Variants in TSPAN13 observed in about 807,000 individuals in gnomAD.
TSPAN13 encodes tetraspanin 13.
In TSPAN13, 18 loss-of-function variants were observed where a neutral mutation model predicts 26.9. That is an observed-to-expected ratio of 0.67 (90% confidence interval 0.46 to 0.99). TSPAN13 has a LOEUF of 0.99. Ranked by LOEUF, TSPAN13 falls within the 50% of genes least tolerant of loss-of-function variation. TSPAN13 has a pLI of 0.00. For missense variants in TSPAN13, 201 were observed against 249.6 expected (o/e 0.81, Z 1.31); for synonymous variants, 116 against 98.4 (o/e 1.18, Z -1.06).
intron 1 of TSPAN13, among the ~76,000 whole-genome samples, chr7:16,770,876 A>G (rs1222926610): frequency 6.6e-6 from 1 of 152,238 alleles, no homozygotes; most frequent in East Asian, 1.9e-4. Flanking sequence ...AAGCATGGGC[A>G]TGATAGGCTC....
At chr7:16,779,242 C>A in intron 5 of TSPAN13, 126 bp downstream of exon 5, 1 of 658,824 alleles carries the variant, frequency 1.5e-6, no homozygotes, top group Non-Finnish European at 2.5e-6. Flanking sequence ...AAAGAGGAAA[C>A]TTGGTTTAGA....
chr7:16,777,032 T>C lies in TSPAN13; in HGVS notation c.232-10T>C. 6.3e-7 allele frequency: 1 copy of C among 1,585,966 alleles called. No homozygotes were observed. Among genetic ancestry groups the C allele is most frequent in the Non-Finnish European group, 8.7e-7 (1 of 1,155,502 alleles). On this transcript the variant is annotated splice_polypyrimidine_tract_variant and intron_variant, in intron 2 of 5. Transcript: ENST00000262067. Reference sequence around the variant, plus strand: ...AATATTTAGAAGTATCCTTAACTTCTAACTCTCAGTATATGATTATTCTGT... The same window carrying C: ...AATATTTAGAAGTATCCTTAACTTCCAACTCTCAGTATATGATTATTCTGT...
chr7:16,754,179 C>A (rs2115317389), intron 1 of TSPAN13, 149 bp downstream of exon 1: 2 of 801,106 alleles, frequency 2.5e-6, no homozygotes, highest in Non-Finnish European at 4.0e-6. Context: ...GCCTCACCAT[C>A]CGTCCCCGCC....
chr7:16,772,551 C>G (rs1314608876), intron 1 of TSPAN13, among the ~76,000 whole-genome samples: 1 of 151,906 alleles, frequency 6.6e-6, no homozygotes, highest in Non-Finnish European at 1.5e-5. Context: ...TTTTTTATGT[C>G]ACTTTCTACA....
chr7:16,765,333 G>T (rs1323845806), intron 1 of TSPAN13, among the ~76,000 whole-genome samples: 1 of 151,980 alleles, frequency 6.6e-6, no homozygotes, highest in African/African-American at 2.4e-5. Context: ...GAGCTACCTG[G>T]GTTCAAGCAA....
intron 1 of TSPAN13, among the ~76,000 whole-genome samples, chr7:16,766,003 T>G (rs1271277756): frequency 6.6e-6 from 1 of 152,192 alleles, no homozygotes; most frequent in Non-Finnish European, 1.5e-5. Context: ...TAACACATAA[T>G]TATCACTACT....
intron 1 of TSPAN13, among the ~76,000 whole-genome samples, chr7:16,758,528 T>C (rs1310647762): frequency 6.6e-6 from 1 of 152,216 alleles, no homozygotes; most frequent in African/African-American, 2.4e-5. Context: ...TTTATAGACT[T>C]GGCTTCTTCT....
intron 3 of TSPAN13, among the ~76,000 whole-genome samples, chr7:16,777,532 G>T (rs773457288): frequency 6.6e-6 from 1 of 152,102 alleles, no homozygotes; most frequent in South Asian, 2.1e-4. Flanking sequence ...TTAACACTCC[G>T]AGAATTATGC....
chr7:16,778,850 C>A (rs1784783424), intron 4 of TSPAN13, among the ~76,000 whole-genome samples, 153 bp from the exon 5 acceptor site: 1 of 152,032 alleles, frequency 6.6e-6, no homozygotes, highest in South Asian at 2.1e-4. Flanking sequence ...GGGTGGGAGT[C>A]TTGGGGGCTG....
At position 16,776,251 on chromosome 7, in the gene TSPAN13, T is replaced by G; in HGVS notation, c.104T>G (p.Ile35Ser). 6.2e-7 allele frequency: 1 copy of G among 1,614,116 alleles called. No individual in the cohort carries two copies. The highest frequency in any genetic ancestry group is 1.3e-5 in the African/African-American group (1 of 75,004). The change falls in exon 2 of 6, where the codon ATT (isoleucine) becomes AGT (serine). Residue 35 changes from isoleucine (I) to serine (S), a missense_variant. By Grantham distance (142) the Ile-to-Ser change is moderately radical (BLOSUM62 -2). Coordinates refer to ENST00000262067, the MANE Select transcript of TSPAN13 (RefSeq NM_014399.4). ...LLLIGIAAWG[I>S]GFGLISSLRV... is the part of the protein sequence containing the mutation. ...CTAATTGGAATTGCTGCGTGGGGCATTGGCTTCGGGCTGATTTCCAGTCTC... is the reference window on the plus strand; with the variant it reads ...CTAATTGGAATTGCTGCGTGGGGCAGTGGCTTCGGGCTGATTTCCAGTCTC...
intron 1 of TSPAN13, among the ~76,000 whole-genome samples, chr7:16,760,253 T>C (rs1371358769): frequency 1.3e-5 from 2 of 152,146 alleles, no homozygotes; most frequent in Non-Finnish European, 2.9e-5. Flanking sequence ...GGTGGGAGCA[T>C]TGAGACTAGT....
At position 16,783,677 on chromosome 7, in the gene TSPAN13, A is replaced by G. The variant is rs771864791; in HGVS notation, c.*186A>G. ...TTTTTTCTTTCCGTTGCTGAAAAAT[A>G]TTTGAAACTTGTGGTCTCTGAAGCT... On this transcript the variant is annotated 3_prime_UTR_variant, in exon 6 of 6. Transcript: ENST00000262067. 27 of 618,990 alleles carry G rather than the reference A, an allele frequency of 4.4e-5. No individual in the cohort carries two copies. Among genetic ancestry groups the G allele is most frequent in the Non-Finnish European group, 6.6e-5 (24 of 363,308 alleles). 38.3% of individuals were successfully genotyped at this position (618,990 alleles called of 1,614,324 possible). A position where few individuals can be genotyped will look rare whatever the true frequency, so the allele number is the denominator to read the frequency against.
intron 1 of TSPAN13, among the ~76,000 whole-genome samples, chr7:16,766,670 A>G (rs544826519): frequency 6.6e-6 from 1 of 152,350 alleles, no homozygotes; most frequent in Admixed American, 6.5e-5. Context: ...GATTGAGGTG[A>G]AATATCTGAG....
chr7:16,772,805 G>A (rs1275627579), intron 1 of TSPAN13, among the ~76,000 whole-genome samples: 1 of 152,008 alleles, frequency 6.6e-6, no homozygotes, highest in Non-Finnish European at 1.5e-5. Flanking sequence ...AGACCAGCCT[G>A]GCCAACATGG....
chr7:16,778,361 A>G (rs768175041), intron 4 of TSPAN13, among the ~76,000 whole-genome samples: 31 of 152,220 alleles, frequency 2.0e-4, no homozygotes, highest in Non-Finnish European at 2.9e-4. Flanking sequence ...TTACACAGCA[A>G]TAGAAACACA....
chr7:16,754,109 A>G, intron 1 of TSPAN13, 79 bp downstream of exon 1: 1 of 1,442,900 alleles, frequency 6.9e-7, no homozygotes, highest in Admixed American at 1.9e-5. Flanking sequence ...CTGCCTGGTC[A>G]GCGACTCACT....
Position 16,783,873 on chromosome 7 carries a change from A to G in TSPAN13, c.*382A>G, listed in dbSNP as rs995576890. The G allele has an allele frequency of 2.4e-5, 4 of 168,652 alleles. No individual in the cohort carries two copies. Among genetic ancestry groups the G allele is most frequent in the African/African-American group, 9.5e-5 (4 of 42,054 alleles). 10.4% of individuals were successfully genotyped at this position (168,652 alleles called of 1,614,324 possible). ...ATATGTAGCACTGTGCTGTGTAGATAGTTCCTACTGGAAAAAGAGTGGAAA... is the reference window on the plus strand; with the variant it reads ...ATATGTAGCACTGTGCTGTGTAGATGGTTCCTACTGGAAAAAGAGTGGAAA... On this transcript the variant is annotated 3_prime_UTR_variant, in exon 6 of 6. Coordinates refer to ENST00000262067, the MANE Select transcript of TSPAN13 (RefSeq NM_014399.4).
rs562714566 is a variant in TSPAN13 at position 16,762,396 on chromosome 7, G to C, written c.63+8366G>C. Among the ~76,000 whole-genome samples the C allele has an allele frequency of 2.0e-3, 298 of 152,282 alleles. 1 individual carries two copies. The highest frequency in any genetic ancestry group is 3.1e-3 in the Non-Finnish European group (211 of 68,022). Reference sequence around the variant, plus strand: ...TTGTCTGGTGCTTAAAGTGTAGAAGGCCCATCAGAATTCCAAGTATGGCTG... The same window carrying C: ...TTGTCTGGTGCTTAAAGTGTAGAAGCCCCATCAGAATTCCAAGTATGGCTG... On this transcript the variant is annotated intron_variant, in intron 1 of 5. Transcript: ENST00000262067.
At chr7:16,772,956 A>G (rs905402858) in intron 1 of TSPAN13, among the ~76,000 whole-genome samples, 2 of 152,270 alleles carry the variant, frequency 1.3e-5, no homozygotes, top group East Asian at 3.9e-4. Flanking sequence ...AAATTGCGCC[A>G]CTGCACTCCA....
Sources: gnomAD v4.1 joint callset for allele counts (sites outside exome capture counted in the v4.1 genomes callset) on GRCh38, gnomAD v4.1.1 for gene constraint, MANE v1.5 for transcripts, NCBI Gene and HGNC (gene_info 2026-07-23, HGNC 2026-07-21) for gene names.